Variants in ANO3 observed in about 807,000 individuals in gnomAD.
The protein encoded by ANO3 is anoctamin 3.
ANO3 carries 99 observed loss-of-function variants against 144.8 expected under a neutral mutation model. The observed-to-expected ratio is 0.68, with a 90% CI of 0.58 to 0.81. The LOEUF is 0.81. Among genes scored for constraint, ANO3 ranks in the 30% least tolerant of loss-of-function variants. The pLI, the probability that ANO3 is intolerant of heterozygous loss-of-function variation, is 0.00. For missense variants in ANO3, 905 were observed against 1,202.2 expected (o/e 0.75, Z 3.66); for synonymous variants, 414 against 392.6 (o/e 1.05, Z -0.64).
intron 1 of ANO3, among the ~76,000 whole-genome samples, chr11:26,314,514 G>A (rs559614215): frequency 2.6e-5 from 4 of 152,220 alleles, no homozygotes; most frequent in African/African-American, 9.6e-5. Context: ...ATGGATTGGC[G>A]AGGATGCTGT....
chr11:26,441,111 T>G (rs973503873), intron 1 of ANO3, among the ~76,000 whole-genome samples: 7 of 103,096 alleles, frequency 6.8e-5, no homozygotes, highest in South Asian at 3.9e-4. Flanking sequence ...GCCCAGTTTT[T>G]TTTTTTTTTT....
chr11:26,498,144 A>G (rs76250570), intron 4 of ANO3, among the ~76,000 whole-genome samples: 29,443 of 151,922 alleles, frequency 0.19, 3,073 homozygotes, highest in South Asian at 0.34. Flanking sequence ...TCAATTTAAT[A>G]TCTCTAATAA....
chr11:26,458,809 T>C (rs1028826149), intron 3 of ANO3, among the ~76,000 whole-genome samples: 2 of 152,116 alleles, frequency 1.3e-5, no homozygotes, highest in Admixed American at 6.6e-5. Context: ...GAGATAGATA[T>C]AACATTTATA....
At chr11:26,337,356 G>A (rs1305585757) in intron 1 of ANO3, among the ~76,000 whole-genome samples, 4 of 152,178 alleles carry the variant, frequency 2.6e-5, no homozygotes, top group African/African-American at 7.2e-5. Flanking sequence ...AAGTGATGGA[G>A]TTTAAAATGA....
At position 26,289,666 on chromosome 11, in the gene ANO3, TATATGTACATATACACAC is replaced by T. The variant is rs1273997849; in HGVS notation, c.155-19974_155-19957del. Among the ~76,000 whole-genome samples the T allele has an allele frequency of 3.0e-4, 29 of 96,526 alleles. 1 individual carries two copies. The highest frequency in any genetic ancestry group is 1.1e-3 in the African/African-American group (27 of 24,042). 63.3% of individuals were successfully genotyped at this position (96,526 alleles called of 152,430 possible). ...TACACACATATATTCTATATGTGTG[TATATGTACATATACACAC>T]ATATATTCTATATGTGTATATATAT... On this transcript the variant is annotated intron_variant, in intron 1 of 27. Coordinates refer to the ANO3 transcript ENST00000672621.
chr11:26,619,406 C>T (rs375928), intron 17 of ANO3, among the ~76,000 whole-genome samples: 130,518 of 152,146 alleles, frequency 0.86, 56,629 homozygotes, highest in East Asian at 0.96. Context: ...AATAGTATTT[C>T]CTATTTTTAC....
intron 1 of ANO3, among the ~76,000 whole-genome samples, chr11:26,435,336 C>G (rs1243751282): frequency 6.6e-6 from 1 of 152,144 alleles, no homozygotes; most frequent in Non-Finnish European, 1.5e-5. Flanking sequence ...CCCTTTCTCC[C>G]TAGCTGCCTT....
chr11:26,449,716 G>A (rs1191706587), intron 3 of ANO3, among the ~76,000 whole-genome samples: 2 of 151,406 alleles, frequency 1.3e-5, no homozygotes, highest in African/African-American at 4.9e-5. Context: ...AGTATTTAAA[G>A]GCTTAAAACA....
At chr11:26,285,097 ATTTT>A (rs60725629) in intron 1 of ANO3, among the ~76,000 whole-genome samples, 1 of 149,442 alleles carries the variant, frequency 6.7e-6, no homozygotes, top group East Asian at 1.9e-4. Flanking sequence ...ACTGTGTACA[ATTTT>A]TTTTTTTAAT....
chr11:26,520,291 T>A (rs970395737), intron 6 of ANO3, among the ~76,000 whole-genome samples: 4 of 152,120 alleles, frequency 2.6e-5, no homozygotes, highest in South Asian at 2.1e-4. Context: ...AGATCATTTT[T>A]AAAAAAACTA....
At chr11:26,652,169 C>T (rs921472001) in intron 24 of ANO3, among the ~76,000 whole-genome samples, 8 of 152,178 alleles carry the variant, frequency 5.3e-5, no homozygotes, top group Admixed American at 4.6e-4. Flanking sequence ...AATGAACAAC[C>T]ACACTGACTA....
Position 26,332,332 on chromosome 11 carries a change from A to C in ANO3, c.46+11A>C. Reference sequence around the variant, plus strand: ...TTAAACAGCAAAAAGGTCAGTTGGAATCTTGCTCCCCTCTCCCTGCGGGCG... The same window carrying C: ...TTAAACAGCAAAAAGGTCAGTTGGACTCTTGCTCCCCTCTCCCTGCGGGCG... On this transcript the variant is annotated intron_variant, in intron 1 of 26. Coordinates refer to ENST00000256737, the MANE Select transcript of ANO3 (RefSeq NM_031418.4). The C allele has an allele frequency of 6.2e-7, 1 of 1,613,746 alleles. No homozygotes were observed.
At chr11:26,633,162 A>G (rs76748253) in intron 18 of ANO3, among the ~76,000 whole-genome samples, 1,873 of 152,292 alleles carry the variant, frequency 0.012, 44 homozygotes, top group African/African-American at 0.042. Context: ...GAATTCTTCA[A>G]TTACGTTAAA....
rs376431623 is a variant in ANO3 at position 26,546,385 on chromosome 11, A to G, written c.1155-1031A>G. Among the ~76,000 whole-genome samples, 5 of 152,040 alleles carry G rather than the reference A, an allele frequency of 3.3e-5. No homozygotes were observed. In the East Asian group the frequency reaches 9.6e-4, roughly 29 times the overall value. ...AGATTTAATTGGCACAACACAGAGA[A>G]TGAAGCAGAAAGAGAATAGTTTTCA... On this transcript the variant is annotated intron_variant, in intron 11 of 26. Transcript: ENST00000256737.
At chr11:26,318,323 C>T (rs2133876721) in intron 1 of ANO3, among the ~76,000 whole-genome samples, 1 of 152,262 alleles carries the variant, frequency 6.6e-6, no homozygotes, top group African/African-American at 2.4e-5. Context: ...GAGAGAAATA[C>T]AATGTACTCA....
In ANO3 at chr11:26,458,451, TAACACAATTTACATTTCCTTCA is replaced by T. The variant is rs1859249836; in HGVS notation, c.314-4578_314-4557del. On this transcript the variant is annotated intron_variant, in intron 3 of 26. Coordinates refer to ENST00000256737, the MANE Select transcript of ANO3 (RefSeq NM_031418.4). ...ACTACCACTACCTAGTTAAAATAGG[TAACACAATTTACATTTCCTTCA>T]TACTATAGTTTTTCACTGTTTGTCC... is the stretch of plus-strand genomic sequence containing the variant. Among the ~76,000 whole-genome samples, 3 of 152,258 alleles carry T rather than the reference TAACACAATTTACATTTCCTTCA, an allele frequency of 2.0e-5. No homozygotes were observed. In the South Asian group the frequency reaches 6.2e-4, roughly 31 times the overall value.
chr11:26,215,272 C>A (rs570504672), intron 1 of ANO3, among the ~76,000 whole-genome samples: 16 of 151,898 alleles, frequency 1.1e-4, no homozygotes, highest in Non-Finnish European at 2.2e-4. Context: ...TCCTATTTTT[C>A]CTCATTTGTT....
intron 1 of ANO3, among the ~76,000 whole-genome samples, chr11:26,210,757 G>A (rs548672457): frequency 6.8e-6 from 1 of 146,382 alleles, no homozygotes; most frequent in East Asian, 2.0e-4. Context: ...GTAAATGGGA[G>A]TTCCCTCATG....
intron 1 of ANO3, among the ~76,000 whole-genome samples, chr11:26,283,321 AATATATATATATATATATATATATAT>A (rs58419788): frequency 3.5e-4 from 17 of 49,134 alleles, no homozygotes; most frequent in South Asian, 1.0e-3. Context: ...CAAATAAATA[AATATATATATATATATATATATATAT>A]ATATATATAT....
Sources: gnomAD v4.1 joint callset for allele counts (sites outside exome capture counted in the v4.1 genomes callset) on GRCh38, gnomAD v4.1.1 for gene constraint, MANE v1.5 for transcripts, NCBI Gene and HGNC (gene_info 2026-07-23, HGNC 2026-07-21) for gene names.